ULK4: variants seen among roughly 807,000 people sequenced by gnomAD.
ULK4 encodes the protein inactive serine/threonine-protein kinase ULK4.
Under a neutral mutation model 160.6 loss-of-function variants are expected in ULK4, and 133 were observed. The observed-to-expected ratio is 0.83, with a 90% CI of 0.72 to 0.96. ULK4 has a LOEUF of 0.96. Among genes scored for constraint, ULK4 ranks in the 40% least tolerant of loss-of-function variants. The pLI, the probability that ULK4 is intolerant of heterozygous loss-of-function variation, is 0.00. For missense variants in ULK4, 1,580 were observed against 1,499.5 expected, an observed-to-expected ratio of 1.05 and a Z score of -0.89; for synonymous variants, 534 against 539.8, an observed-to-expected ratio of 0.99 and a Z score of 0.15.
chr3:41,621,076 C>A (rs1022685280), intron 30 of ULK4, among the ~76,000 whole-genome samples: 1 of 152,106 alleles, frequency 6.6e-6, no homozygotes, highest in African/African-American at 2.4e-5. Flanking sequence ...AGGACCTCTT[C>A]AAGGAGAACT....
At chr3:41,528,351 T>C (rs2086187968) in intron 32 of ULK4, among the ~76,000 whole-genome samples, 1 of 152,208 alleles carries the variant, frequency 6.6e-6, no homozygotes, top group South Asian at 2.1e-4. Flanking sequence ...TAAATCTAAT[T>C]ATATACTTGA....
At chr3:41,855,398 A>C (rs1169616337) in intron 17 of ULK4, among the ~76,000 whole-genome samples, 4 of 152,182 alleles carry the variant, frequency 2.6e-5, no homozygotes. Context: ...TCTGTATCTA[A>C]TGTAAGCATC....
intron 31 of ULK4, among the ~76,000 whole-genome samples, chr3:41,599,628 G>A (rs1475412320): frequency 1.3e-5 from 2 of 148,184 alleles, no homozygotes; most frequent in Non-Finnish European, 3.0e-5. Flanking sequence ...TCAGTGGCGC[G>A]ATCTCGGCTC....
chr3:41,727,270 T>A (rs1279056489), intron 22 of ULK4, among the ~76,000 whole-genome samples: 2 of 152,216 alleles, frequency 1.3e-5, no homozygotes. Context: ...GATGATGACA[T>A]CAGTTTATTC....
At chr3:41,771,898 A>T (rs1224765195) in intron 21 of ULK4, among the ~76,000 whole-genome samples, 2 of 152,190 alleles carry the variant, frequency 1.3e-5, no homozygotes, top group African/African-American at 4.8e-5. Context: ...GAAACTTGTA[A>T]GCCCAAATCC....
intron 31 of ULK4, among the ~76,000 whole-genome samples, chr3:41,579,079 G>A (rs548902266): frequency 6.6e-5 from 10 of 152,258 alleles, no homozygotes; most frequent in African/African-American, 2.2e-4. Flanking sequence ...TTTCTGCATC[G>A]AAGCACCAGC....
In ULK4 at chr3:41,961,611, G is replaced by A. The variant is rs868149746; in HGVS notation, c.-49+405C>T. Among the ~76,000 whole-genome samples the A allele has an allele frequency of 1.0e-3, 151 of 147,018 alleles. No homozygotes were observed. The South Asian group carries it at 0.012, about 12-fold the overall frequency. On this transcript the variant is annotated intron_variant, in intron 1 of 36. Transcript: ENST00000301831. ...CGCGGCGGGCGAATCGGCGGCTTTC[G>A]CGGCCTCGCTACGTCCGTAGGCATC...
At chr3:41,621,948 G>A (rs575266815) in intron 30 of ULK4, among the ~76,000 whole-genome samples, 9 of 152,154 alleles carry the variant, frequency 5.9e-5, no homozygotes, top group South Asian at 4.2e-4. Context: ...CAGAAAAGGC[G>A]AAGGGTATGA....
rs2081190628 is a variant in ULK4 at position 41,363,558 on chromosome 3, A to G, written c.3678+34521T>C. On this transcript the variant is annotated intron_variant, in intron 35 of 36. Transcript: ENST00000301831. The stretch of plus-strand genomic sequence containing the variant: ...CATTATGCAGTGTACATTCTAGTTC[A>G]CCCAACACTGAACCCCTCAGCAGAA... Among the ~76,000 whole-genome samples, 3 of 152,120 alleles carry G rather than the reference A, an allele frequency of 2.0e-5. 1 individual carries two copies. The South Asian group carries it at 6.2e-4, about 32-fold the overall frequency.
intron 34 of ULK4, among the ~76,000 whole-genome samples, chr3:41,454,194 A>G (rs1308103457): frequency 1.3e-5 from 2 of 150,822 alleles, no homozygotes; most frequent in Admixed American, 6.7e-5. Context: ...AAAAAAAGAA[A>G]AAAGAAAAAT....
chr3:41,408,949 T>A (rs2082353667), intron 34 of ULK4, among the ~76,000 whole-genome samples: 1 of 152,056 alleles, frequency 6.6e-6, no homozygotes, highest in African/African-American at 2.4e-5. Context: ...AAAAATTAAC[T>A]TAAGATGGAT....
chr3:41,405,299 A>C (rs2082271380), intron 34 of ULK4, among the ~76,000 whole-genome samples: 1 of 152,132 alleles, frequency 6.6e-6, no homozygotes, highest in African/African-American at 2.4e-5. Context: ...GCTGCAAAGG[A>C]CATAATTTCA....
intron 2 of ULK4, among the ~76,000 whole-genome samples, chr3:41,947,935 G>C (rs1326783307): frequency 1.3e-5 from 2 of 152,072 alleles, no homozygotes; most frequent in African/African-American, 4.8e-5. Flanking sequence ...GCTTCCCCAG[G>C]CTCTATAAAT....
chr3:41,273,685 G>A (rs1034730560), intron 35 of ULK4, among the ~76,000 whole-genome samples: 1 of 152,156 alleles, frequency 6.6e-6, no homozygotes, highest in African/African-American at 2.4e-5. Context: ...TAGAGTGGGG[G>A]TGTGGGGAGG....
chr3:41,250,827 T>G (rs2078730604), intron 35 of ULK4: 1 of 152,200 alleles, frequency 6.6e-6, no homozygotes, highest in Non-Finnish European at 1.5e-5. Flanking sequence ...CATGTAAATT[T>G]GTTCTGAAAT....
intron 12 of ULK4, among the ~76,000 whole-genome samples, chr3:41,904,127 T>C (rs1698471264): frequency 6.6e-6 from 1 of 152,128 alleles, no homozygotes; most frequent in South Asian, 2.1e-4. Context: ...ATAAAAAGTA[T>C]CATTTAAAAA....
At chr3:41,598,114 C>T (rs1157769000) in intron 31 of ULK4, among the ~76,000 whole-genome samples, 1 of 152,158 alleles carries the variant, frequency 6.6e-6, no homozygotes, top group African/African-American at 2.4e-5. Flanking sequence ...GAATCCCCAA[C>T]ATGCAAAACT....
intron 35 of ULK4, among the ~76,000 whole-genome samples, chr3:41,256,468 C>T (rs1691120006): frequency 6.6e-6 from 1 of 152,158 alleles, no homozygotes; most frequent in African/African-American, 2.4e-5. Context: ...GACAGAGGTG[C>T]AGTTAATTCA....
intron 35 of ULK4, among the ~76,000 whole-genome samples, chr3:41,323,639 C>T (rs979092370): frequency 6.6e-6 from 1 of 152,032 alleles, no homozygotes; most frequent in Non-Finnish European, 1.5e-5. Flanking sequence ...GAAACCCACA[C>T]CCATGCACAT....
Sources: allele counts gnomAD v4.1 joint callset (sites outside exome capture counted in the v4.1 genomes callset), GRCh38; gene constraint gnomAD v4.1.1; transcripts MANE v1.5; gene names NCBI Gene and HGNC (gene_info 2026-07-23, HGNC 2026-07-21).